The following OSGIN1 variants were observed in gnomAD, a reference collection of about 807,000 sequenced individuals.
OSGIN1 encodes oxidative stress induced growth inhibitor 1.
A neutral mutation model predicts 20.1 loss-of-function variants in OSGIN1; 19 were observed. That is an observed-to-expected ratio of 0.95 (90% CI 0.66 to 1.39). The LOEUF (loss-of-function observed/expected upper bound fraction) is 1.39. Among genes scored for constraint, OSGIN1 ranks in the 40% most tolerant of loss-of-function variants. The pLI is 0.00. For missense variants in OSGIN1, 820 were observed against 653.0 expected, an observed-to-expected ratio of 1.26 and a Z score of -2.79; for synonymous variants, 368 against 297.8, an observed-to-expected ratio of 1.24 and a Z score of -2.43.
At chr16:83,957,609 G>T (rs1235509685) in intron 1 of OSGIN1, 31 bp from the exon 2 acceptor site, 3 of 1,132,600 alleles carry the variant, frequency 2.6e-6, no homozygotes, top group Non-Finnish European at 3.9e-6. Context: ...TCACCCGAAT[G>T]GACTCTTCCT....
chr16:83,965,438 CTCA>C lies in OSGIN1; in HGVS notation c.870_872del (p.Ile291del). ...GGTGACCCCGGCCTCAGACCCTGTC[CTCA>C]TCATTGGCGCGGGGCTGTCAGCGGC... On this transcript the variant is annotated inframe_deletion, in exon 6 of 6. Transcript: ENST00000393306. 6.3e-7 allele frequency: 1 copy of C among 1,593,164 alleles called. No individual in the cohort carries two copies. The highest frequency in any genetic ancestry group is 8.5e-7 in the Non-Finnish European group (1 of 1,173,750).
intron 3 of OSGIN1, 71 bp from the exon 4 acceptor site, chr16:83,960,498 C>A: frequency 7.7e-7 from 1 of 1,300,742 alleles, no homozygotes; most frequent in Non-Finnish European, 1.1e-6. Context: ...CACGTTCCTG[C>A]CCAGCCTCAG....
chr16:83,960,847 C>A, intron 4 of OSGIN1, 87 bp downstream of exon 4: 2 of 1,501,008 alleles, frequency 1.3e-6, no homozygotes, highest in Non-Finnish European at 1.8e-6. Context: ...ATCTCCCTTT[C>A]CTCATTCTCC....
intron 5 of OSGIN1, among the ~76,000 whole-genome samples, chr16:83,963,912 C>G (rs574974732): frequency 6.6e-6 from 1 of 152,210 alleles, no homozygotes; most frequent in African/African-American, 2.4e-5. Flanking sequence ...ATCCAAACAA[C>G]AACAACAATA....
intron 2 of OSGIN1, 141 bp downstream of exon 2, chr16:83,957,879 A>C: frequency 2.7e-6 from 1 of 370,286 alleles, no homozygotes; most frequent in Non-Finnish European, 4.8e-6. Context: ...TTATTTATTT[A>C]TTTATTTATT....
intron 3 of OSGIN1, among the ~76,000 whole-genome samples, chr16:83,959,984 C>T (rs1047285974): frequency 4.6e-5 from 7 of 152,200 alleles, no homozygotes; most frequent in South Asian, 2.1e-4. Context: ...TGCTCCTCCA[C>T]GACCTCCCCT....
Position 83,965,987 on chromosome 16 carries a change from G to A in OSGIN1, c.1414G>A (p.Glu472Lys), listed in dbSNP as rs13299. Reference sequence around the variant, plus strand: ...TGTGGCCAGCTCCCTGCTAAGGAAGGAGACCAGGAAGCCACCCTAACACTC... The same window carrying A: ...TGTGGCCAGCTCCCTGCTAAGGAAGAAGACCAGGAAGCCACCCTAACACTC... ...LAVASSLLRKETRKPP is the reference protein window; with the variant it reads ...LAVASSLLRKKTRKPP The change falls in exon 6 of 6, where the codon GAG (glutamate) becomes AAG (lysine). Residue 472 changes from glutamate (E) to lysine (K), a missense_variant. Physicochemically the swap from Glu to Lys is moderately conservative, Grantham distance 56. Coordinates refer to ENST00000393306, the MANE Select transcript of OSGIN1 (RefSeq NM_182981.3). The A allele has an allele frequency of 7.6e-6, 12 of 1,587,750 alleles. No individual in the cohort carries two copies. The highest frequency in any genetic ancestry group is 1.0e-5 in the Non-Finnish European group (12 of 1,168,200).
At chr16:83,961,196 C>G in intron 5 of OSGIN1, 124 bp downstream of exon 5, 1 of 733,522 alleles carries the variant, frequency 1.4e-6, no homozygotes, top group Admixed American at 2.2e-5. Context: ...GCGCCCGTGA[C>G]AGCCTCAGGA....
At chr16:83,957,856 ATTT>A (rs1289092990) in intron 2 of OSGIN1, 118 bp downstream of exon 2, 36 of 396,796 alleles carry the variant, frequency 9.1e-5, no homozygotes, top group South Asian at 1.2e-4. Context: ...TTTGGGGTTT[ATTT>A]TTTATTTATT....
rs141102431 is a variant in OSGIN1, at chr16:83,965,451, C to G, written c.878C>G (p.Ala293Gly). ...TCAGACCCTGTCCTCATCATTGGCG[C>G]GGGGCTGTCAGCGGCCGACGCGGTC... is the stretch of plus-strand genomic sequence containing the variant. ...PASDPVLIIG[A>G]GLSAADAVLY... The change falls in exon 6 of 6, where the codon GCG (alanine) becomes GGG (glycine). Residue 293 changes from alanine (A) to glycine (G), a missense_variant. Ala to Gly is a moderately conservative substitution (Grantham distance 60, BLOSUM62 0). Transcript: ENST00000393306. 3 of 1,597,702 alleles carry G rather than the reference C, an allele frequency of 1.9e-6. No individual in the cohort carries two copies. Among genetic ancestry groups the G allele is most frequent in the Admixed American group, 1.7e-5 (1 of 59,694 alleles).
chr16:83,965,009 C>T (rs1309587133), intron 5 of OSGIN1, 53 bp from the exon 6 acceptor site: 3 of 1,096,762 alleles, frequency 2.7e-6, no homozygotes, highest in Non-Finnish European at 4.0e-6. Flanking sequence ...TCCCACCCAG[C>T]CCCCCAACCC....
chr16:83,966,066 G>GTCCT lies in OSGIN1; in HGVS notation c.*59_*60insTCCT. ...AGAGGACAGAGATGACCACATCCCT[G>GTCCT]CTGGATGCAGGACCCGTCCAAAGAT... On this transcript the variant is annotated 3_prime_UTR_variant, in exon 6 of 6. Coordinates refer to ENST00000393306, the MANE Select transcript of OSGIN1 (RefSeq NM_182981.3). The GTCCT allele has an allele frequency of 7.5e-7, 1 of 1,329,214 alleles. No individual in the cohort carries two copies. 82.3% of individuals were successfully genotyped at this position (1,329,214 alleles called of 1,614,324 possible).
rs1288867109 is a variant in OSGIN1, at chr16:83,960,916, G to A, written c.397-65G>A. 3 of 1,549,098 alleles carry A rather than the reference G, an allele frequency of 1.9e-6. No homozygotes were observed. The African/African-American group carries it at 4.1e-5, about 21-fold the overall frequency. Reference sequence around the variant, plus strand: ...CCCAGCCCCAGCAAAGGCCTCCCATGCCCTCTAGCCCCAAATGGGTTCAGG... The same window carrying A: ...CCCAGCCCCAGCAAAGGCCTCCCATACCCTCTAGCCCCAAATGGGTTCAGG... On this transcript the variant is annotated intron_variant, in intron 4 of 5. Coordinates refer to ENST00000393306, the MANE Select transcript of OSGIN1 (RefSeq NM_182981.3).
At chr16:83,954,146 C>T (rs1908817750) in intron 1 of OSGIN1, 1 of 152,258 alleles carries the variant, frequency 6.6e-6, no homozygotes, top group Non-Finnish European at 1.5e-5. Flanking sequence ...TCCTCCTGAC[C>T]AGCTTTTCTT....
chr16:83,957,822 C>A, intron 2 of OSGIN1, 84 bp downstream of exon 2: 1 of 527,544 alleles, frequency 1.9e-6, no homozygotes, highest in Non-Finnish European at 3.3e-6. Flanking sequence ...CTGGGCAAGT[C>A]CAGGCCTGGT....
rs1373304831 is a variant in OSGIN1 at position 83,960,583 on chromosome 16, G to T, written c.219G>T (p.Leu73=). Residue 73 remains leucine, a synonymous_variant, in exon 4 of 6, where the codon CTG becomes CTT. Coordinates refer to ENST00000393306, the MANE Select transcript of OSGIN1 (RefSeq NM_182981.3). ...CCCCCCTCCAGGACCTGGACTACCT[G>T]TCCGAAGGCCTCGAAGGCCGATCCC... The part of the protein sequence containing the change: ...VSILDQDLDY[L]SEGLEGRSQS... 6.2e-7 allele frequency: 1 copy of T among 1,613,256 alleles called. No individual in the cohort carries two copies. Among genetic ancestry groups the T allele is most frequent in the South Asian group, 1.1e-5 (1 of 91,080 alleles).
chr16:83,965,802 C>T lies in OSGIN1; in HGVS notation c.1229C>T (p.Ala410Val). 6.2e-7 allele frequency: 1 copy of T among 1,612,986 alleles called. No homozygotes were observed. Among genetic ancestry groups the T allele is most frequent in the East Asian group, 2.2e-5 (1 of 44,874 alleles). Residue 410 changes from alanine to valine, a missense_variant, in exon 6 of 6, where the codon GCT (alanine) becomes GTT (valine). Physicochemically the swap from Ala to Val is moderately conservative, Grantham distance 64. Transcript: ENST00000393306. ...PDLSFLPGAG[A>V]DFAVDPDQPL... ...CTCTCCTTCCTGCCTGGGGCAGGGG[C>T]TGACTTTGCAGTGGATCCTGACCAG...
At chr16:83,962,692 C>T in intron 5 of OSGIN1, among the ~76,000 whole-genome samples, 1 of 152,222 alleles carries the variant, frequency 6.6e-6, no homozygotes, top group East Asian at 1.9e-4. Context: ...GTAAGATGGA[C>T]ATTGGTTCCG....
chr16:83,954,850 C>A, intron 1 of OSGIN1: 1 of 580,308 alleles, frequency 1.7e-6, no homozygotes, highest in Non-Finnish European at 2.2e-6. Context: ...AAATGCCCTT[C>A]TTGGGGTGGT....
Sources: allele counts gnomAD v4.1 joint callset (sites outside exome capture counted in the v4.1 genomes callset), GRCh38; gene constraint gnomAD v4.1.1; transcripts MANE v1.5; gene names NCBI Gene and HGNC (gene_info 2026-07-23, HGNC 2026-07-21).